Variants in PCDH15 observed in about 807,000 individuals in gnomAD.
The protein encoded by PCDH15 is protocadherin-15.
In PCDH15, 129 loss-of-function variants were observed where a neutral mutation model predicts 178.5. That is an observed-to-expected ratio of 0.72 (90% CI 0.63 to 0.84). The LOEUF (loss-of-function observed/expected upper bound fraction) is 0.84, where lower values mean the gene tolerates loss of function less well. Among genes scored for constraint, PCDH15 ranks in the 40% least tolerant of loss-of-function variants. The probability of loss-of-function intolerance (pLI) is 0.00; values close to 1 mark genes in which losing one functional copy is unlikely to be tolerated. For synonymous variants in PCDH15, 800 were observed against 732.0 expected (o/e 1.09, Z -1.50); for missense variants, 2,230 against 2,099.9 (o/e 1.06, Z -1.21).
intron 10 of PCDH15, among the ~76,000 whole-genome samples, chr10:54,205,726 C>T (rs887838567): frequency 6.6e-6 from 1 of 151,986 alleles, no homozygotes; most frequent in African/African-American, 2.4e-5. Context: ...CTACAGGAGC[C>T]TCCTTTTATT....
intron 21 of PCDH15, among the ~76,000 whole-genome samples, chr10:53,976,479 C>CT (rs1159648238): frequency 5.3e-5 from 8 of 152,120 alleles, no homozygotes; most frequent in African/African-American, 1.7e-4. Flanking sequence ...TTTCCATTTG[C>CT]TTTTGTCTTT....
intron 2 of PCDH15, among the ~76,000 whole-genome samples, chr10:55,399,286 C>T (rs1838005846): frequency 6.6e-6 from 1 of 152,040 alleles, no homozygotes; most frequent in South Asian, 2.1e-4. Flanking sequence ...AATAATCTCA[C>T]ACAACATTTA....
chr10:54,357,326 A>G (rs1945181798), intron 5 of PCDH15, among the ~76,000 whole-genome samples: 1 of 152,228 alleles, frequency 6.6e-6, no homozygotes. Context: ...CTCAGGATAC[A>G]AAATCAATGT....
At chr10:55,161,994 A>C (rs1248251555) in intron 2 of PCDH15, among the ~76,000 whole-genome samples, 4 of 152,168 alleles carry the variant, frequency 2.6e-5, no homozygotes, top group Admixed American at 6.6e-5. Flanking sequence ...CCTTCAGATA[A>C]AAAGTTACAG....
chr10:54,397,097 T>A (rs117801953), intron 3 of PCDH15, among the ~76,000 whole-genome samples: 2,778 of 152,212 alleles, frequency 0.018, 53 homozygotes, highest in Non-Finnish European at 0.025. Flanking sequence ...GACGAAACTT[T>A]AAACACTTTT....
At chr10:53,970,271 A>C (rs2089531242) in intron 21 of PCDH15, among the ~76,000 whole-genome samples, 2 of 152,192 alleles carry the variant, frequency 1.3e-5, no homozygotes, top group Non-Finnish European at 2.9e-5. Context: ...GAAGGCCATT[A>C]CATAATGGTA....
intron 2 of PCDH15, among the ~76,000 whole-genome samples, chr10:55,032,105 G>A (rs538997552): frequency 6.6e-5 from 10 of 152,296 alleles, no homozygotes; most frequent in Admixed American, 3.9e-4. Flanking sequence ...AACTGCAGGG[G>A]AAGCCTCAGT....
chr10:53,952,362 T>G (rs929640158), intron 23 of PCDH15, among the ~76,000 whole-genome samples: 4 of 152,192 alleles, frequency 2.6e-5, no homozygotes, highest in African/African-American at 9.6e-5. Context: ...AGCTCCTATA[T>G]GCAGGCAGGC....
chr10:54,035,539 C>T (rs190848914), intron 18 of PCDH15, among the ~76,000 whole-genome samples: 5 of 152,028 alleles, frequency 3.3e-5, no homozygotes, highest in Admixed American at 2.6e-4. Flanking sequence ...TCTATGTATA[C>T]ATTTTTTTGA....
At chr10:54,387,136 A>G (rs1950025206) in intron 3 of PCDH15, among the ~76,000 whole-genome samples, 1 of 152,220 alleles carries the variant, frequency 6.6e-6, no homozygotes, top group South Asian at 2.1e-4. Flanking sequence ...GAAAGTTTAA[A>G]ATAAAATCAT....
At chr10:54,516,487 A>C (rs1395557511) in intron 3 of PCDH15, among the ~76,000 whole-genome samples, 1 of 152,068 alleles carries the variant, frequency 6.6e-6, no homozygotes, top group African/African-American at 2.4e-5. Context: ...GAATGAAATG[A>C]AGCAAGAAGG....
intron 2 of PCDH15, among the ~76,000 whole-genome samples, chr10:55,093,875 T>TA (rs1842379213): frequency 6.6e-6 from 1 of 152,054 alleles, no homozygotes; most frequent in Non-Finnish European, 1.5e-5. Context: ...TGGTGATCAT[T>TA]AAAAAGTCAG....
chr10:55,395,196 TGAGAGAGAGAGA>T (rs55765914), intron 2 of PCDH15, among the ~76,000 whole-genome samples: 28,469 of 126,848 alleles, frequency 0.22, 3,711 homozygotes, highest in Non-Finnish European at 0.31. Context: ...TGTGTGTGTG[TGAGAGAGAGAGA>T]GAGAGAGAGA....
At chr10:54,093,207 C>T (rs16937901) in intron 15 of PCDH15, among the ~76,000 whole-genome samples, 1,914 of 152,204 alleles carry the variant, frequency 0.013, 26 homozygotes, top group African/African-American at 0.03. Flanking sequence ...AACAATTTGC[C>T]TACTTCATTC....
At chr10:55,204,179 ATAT>A (rs1461767875) in intron 1 of PCDH15, among the ~76,000 whole-genome samples, 1 of 148,758 alleles carries the variant, frequency 6.7e-6, no homozygotes, top group African/African-American at 2.4e-5. Flanking sequence ...TTTTATACTA[ATAT>A]ATTTATTTTA....
intron 21 of PCDH15, among the ~76,000 whole-genome samples, chr10:53,989,737 ATAGT>A (rs1395283330): frequency 1.3e-5 from 2 of 152,162 alleles, no homozygotes; most frequent in Non-Finnish European, 2.9e-5. Flanking sequence ...GTGAGAAATC[ATAGT>A]TAGTAGCTGC....
rs572553903 is a variant in PCDH15, at chr10:54,933,971, C to G, written c.-79-36471G>C. ...AAAAGTCCAGTTATTTGCATTCTTG[C>G]TTCGGTGTACCCTGAACATAATGAA... On this transcript the variant is annotated intron_variant, in intron 2 of 5. Coordinates refer to the PCDH15 transcript ENST00000458638. Among the ~76,000 whole-genome samples, 8 of 152,238 alleles carry G rather than the reference C, an allele frequency of 5.3e-5. No homozygotes were observed. The South Asian group carries it at 1.7e-3, about 32-fold the overall frequency.
chr10:54,012,646 T>G (rs1210595573), intron 20 of PCDH15, among the ~76,000 whole-genome samples: 1 of 152,272 alleles, frequency 6.6e-6, no homozygotes, highest in East Asian at 1.9e-4. Flanking sequence ...ATGTTCAGCA[T>G]TCTTAAATAA....
chr10:55,073,512 A>C (rs960771130), intron 2 of PCDH15, among the ~76,000 whole-genome samples: 1 of 152,140 alleles, frequency 6.6e-6, no homozygotes, highest in Non-Finnish European at 1.5e-5. Context: ...TGCTTCAAAG[A>C]GAATAAAATA....
Sources: gnomAD v4.1 joint callset for allele counts (sites outside exome capture counted in the v4.1 genomes callset) on GRCh38, gnomAD v4.1.1 for gene constraint, MANE v1.5 for transcripts, NCBI Gene and HGNC (gene_info 2026-07-23, HGNC 2026-07-21) for gene names.